PINX1: variants seen among roughly 807,000 people sequenced by gnomAD.
PINX1 encodes the protein PIN2/TERF1-interacting telomerase inhibitor 1.
PINX1 carries 34 observed loss-of-function variants against 25.4 expected under a neutral mutation model. That is an observed-to-expected ratio of 1.34 (90% CI 1.02 to 1.78). The LOEUF (loss-of-function observed/expected upper bound fraction) is 1.78, where lower values mean the gene tolerates loss of function less well. Among genes scored for constraint, PINX1 ranks in the 40% most tolerant of loss-of-function variants. The pLI, the probability that PINX1 is intolerant of heterozygous loss-of-function variation, is 0.00. For missense variants in PINX1, 592 were observed against 404.9 expected (o/e 1.46, Z -3.97); for synonymous variants, 197 against 147.7 (o/e 1.33, Z -2.42).
intron 6 of PINX1, among the ~76,000 whole-genome samples, chr8:10,799,324 A>T (rs1286130022): frequency 1.3e-5 from 2 of 152,184 alleles, no homozygotes; most frequent in African/African-American, 4.8e-5. Flanking sequence ...GGGTGTGTTC[A>T]TGCTTCACGT....
intron 6 of PINX1, among the ~76,000 whole-genome samples, chr8:10,779,094 C>T (rs752378867): frequency 3.3e-5 from 5 of 152,154 alleles, no homozygotes; most frequent in Non-Finnish European, 7.4e-5. Flanking sequence ...ATAACATATC[C>T]TAAATGATGC....
rs765223302 is a variant in PINX1 at position 10,831,052 on chromosome 8, C to A, written c.301+613G>T. On this transcript the variant is annotated intron_variant, in intron 4 of 6. Coordinates refer to ENST00000314787, the MANE Select transcript of PINX1 (RefSeq NM_017884.6). ...CAAGATATGGAATCAACCTAAGTGT[C>A]CACCAACACATGAACTGGGAAACAT... Among the ~76,000 whole-genome samples, 79 of 152,222 alleles carry A rather than the reference C, an allele frequency of 5.2e-4. 1 individual carries two copies. Among genetic ancestry groups the A allele is most frequent in the Non-Finnish European group, 1.0e-3 (68 of 68,046 alleles).
At position 10,815,676 on chromosome 8, in the gene PINX1, C is replaced by A. The variant is rs527797395; in HGVS notation, c.471+4517G>T. On this transcript the variant is annotated intron_variant, in intron 6 of 6. Transcript: ENST00000314787. ...AGTGTACCCTGAGATACTGCCAACA[C>A]CATGAGCTCTCCAACACCAGCAGGC... Among the ~76,000 whole-genome samples the A allele has an allele frequency of 2.6e-5, 4 of 152,286 alleles. No individual in the cohort carries two copies. The South Asian group carries it at 8.3e-4, about 32-fold the overall frequency.
At chr8:10,830,017 C>T (rs1025501836) in intron 4 of PINX1, among the ~76,000 whole-genome samples, 7 of 152,144 alleles carry the variant, frequency 4.6e-5, no homozygotes, top group East Asian at 3.9e-4. Context: ...CAACTGTGAT[C>T]GTAAATATCA....
At chr8:10,826,714 T>C (rs567103665) in intron 4 of PINX1, among the ~76,000 whole-genome samples, 13 of 151,968 alleles carry the variant, frequency 8.6e-5, no homozygotes, top group Non-Finnish European at 1.5e-4. Context: ...CAAAACAAAC[T>C]CCAGGGCATT....
At chr8:10,788,056 T>C (rs1291763211) in intron 6 of PINX1, among the ~76,000 whole-genome samples, 4 of 152,258 alleles carry the variant, frequency 2.6e-5, no homozygotes, top group Non-Finnish European at 5.9e-5. Flanking sequence ...TGTTATGGAG[T>C]CCTTATCTTT....
intron 6 of PINX1, among the ~76,000 whole-genome samples, chr8:10,818,394 C>G (rs1008723646): frequency 6.6e-6 from 1 of 152,174 alleles, no homozygotes; most frequent in Non-Finnish European, 1.5e-5. Flanking sequence ...CCTCAAGGCA[C>G]CCAACACCCA....
intron 6 of PINX1, among the ~76,000 whole-genome samples, chr8:10,805,373 A>T (rs750296728): frequency 1.3e-5 from 2 of 152,266 alleles, no homozygotes; most frequent in African/African-American, 4.8e-5. Flanking sequence ...TAGGAATGGC[A>T]TATTTCCATG....
intron 6 of PINX1, among the ~76,000 whole-genome samples, chr8:10,803,548 C>G (rs1478059655): frequency 1.3e-5 from 2 of 152,178 alleles, no homozygotes; most frequent in Non-Finnish European, 2.9e-5. Context: ...TTGTTTCGAG[C>G]TCTGTCCCAC....
chr8:10,795,202 C>A (rs1403263078), intron 6 of PINX1, among the ~76,000 whole-genome samples: 2 of 152,120 alleles, frequency 1.3e-5, no homozygotes, highest in Non-Finnish European at 2.9e-5. Context: ...ACCAAATCTC[C>A]AGGGCTAAGG....
At chr8:10,825,946 CCATCT>C (rs1449047028) in intron 5 of PINX1, among the ~76,000 whole-genome samples, 1 of 152,230 alleles carries the variant, frequency 6.6e-6, no homozygotes, top group African/African-American at 2.4e-5. Flanking sequence ...AATCTGGGTC[CCATCT>C]CAGATCTCCT....
chr8:10,836,511 A>G (rs911734995), intron 1 of PINX1, among the ~76,000 whole-genome samples: 1 of 152,336 alleles, frequency 6.6e-6, no homozygotes, highest in Admixed American at 6.5e-5. Context: ...AGTTTTGAGA[A>G]TAAGCTCACG....
chr8:10,794,703 C>T (rs997040236), intron 6 of PINX1, among the ~76,000 whole-genome samples: 4 of 152,162 alleles, frequency 2.6e-5, no homozygotes, highest in East Asian at 1.9e-4. Context: ...GCTGGGATTA[C>T]GGGCATGAGC....
intron 6 of PINX1, among the ~76,000 whole-genome samples, chr8:10,794,293 G>A (rs975378812): frequency 6.6e-6 from 1 of 152,108 alleles, no homozygotes; most frequent in Non-Finnish European, 1.5e-5. Context: ...AAAACATACA[G>A]ATCTTAAAAT....
chr8:10,777,931 C>A (rs1454054485), intron 6 of PINX1, among the ~76,000 whole-genome samples: 1 of 152,314 alleles, frequency 6.6e-6, no homozygotes, highest in South Asian at 2.1e-4. Flanking sequence ...TCTGCACACC[C>A]AGCAATCTCC....
At chr8:10,796,847 T>C (rs1464004983) in intron 6 of PINX1, among the ~76,000 whole-genome samples, 1 of 152,088 alleles carries the variant, frequency 6.6e-6, no homozygotes, top group African/African-American at 2.4e-5. Flanking sequence ...TTGTTAAATA[T>C]CTACATGTTT....
At chr8:10,836,286 A>G (rs1249098772) in intron 1 of PINX1, among the ~76,000 whole-genome samples, 1 of 151,688 alleles carries the variant, frequency 6.6e-6, no homozygotes, top group South Asian at 2.1e-4. Flanking sequence ...TGTTTTGCAG[A>G]AAAAAAAAGG....
At chr8:10,807,492 G>T (rs1216205572) in intron 6 of PINX1, among the ~76,000 whole-genome samples, 2 of 151,924 alleles carry the variant, frequency 1.3e-5, no homozygotes, top group East Asian at 3.9e-4. Flanking sequence ...GAAAGGATAT[G>T]AATCTTCATA....
At chr8:10,815,495 AT>A (rs969635399) in intron 6 of PINX1, among the ~76,000 whole-genome samples, 4 of 151,918 alleles carry the variant, frequency 2.6e-5, no homozygotes, top group African/African-American at 9.7e-5. Flanking sequence ...ATTTTAAGTA[AT>A]TTTTTTTTGA....
Sources: allele counts gnomAD v4.1 joint callset (sites outside exome capture counted in the v4.1 genomes callset), GRCh38; gene constraint gnomAD v4.1.1; transcripts MANE v1.5; gene names NCBI Gene and HGNC (gene_info 2026-07-23, HGNC 2026-07-21).